CALCR: variants seen among roughly 807,000 people sequenced by gnomAD.
The protein encoded by CALCR is calcitonin receptor.
Under a neutral mutation model 59.5 loss-of-function variants are expected in CALCR, and 47 were observed. The observed-to-expected ratio is 0.79, with a 90% confidence interval of 0.63 to 1.01. The LOEUF is 1.01. Ranked by LOEUF, CALCR falls within the 50% of genes least tolerant of loss-of-function variation. CALCR has a pLI of 0.00. For synonymous variants in CALCR, 213 were observed against 211.3 expected, an observed-to-expected ratio of 1.01 and a Z score of -0.07; for missense variants, 566 against 597.1, an observed-to-expected ratio of 0.95 and a Z score of 0.54.
chr7:93,509,246 A>G (rs137930271), intron 2 of CALCR, among the ~76,000 whole-genome samples: 1 of 152,324 alleles, frequency 6.6e-6, no homozygotes, highest in Admixed American at 6.5e-5. Flanking sequence ...GGTTTTAGAC[A>G]GGAAATGATG....
intron 8 of CALCR, among the ~76,000 whole-genome samples, chr7:93,459,114 G>C (rs6976031): frequency 0.59 from 89,747 of 152,076 alleles, 28,179 homozygotes; most frequent in African/African-American, 0.82. Context: ...TATTTAAACA[G>C]TGGATTGATA....
At chr7:93,487,981 T>C (rs1396088511) in intron 2 of CALCR, among the ~76,000 whole-genome samples, 1 of 151,194 alleles carries the variant, frequency 6.6e-6, no homozygotes, top group Non-Finnish European at 1.5e-5. Context: ...TTGAAATGAA[T>C]GAAAAAATAT....
Position 93,523,726 on chromosome 7 carries a change from T to C in CALCR, c.-26-36719A>G, listed in dbSNP as rs147564358. On this transcript the variant is annotated intron_variant, in intron 2 of 13. Transcript: ENST00000426151. ...TTGGATTGCTTTTTTAAGTCCAGGA[T>C]TTTTTTCTATTTTTATAAGTATAAA... Among the ~76,000 whole-genome samples, 10 of 151,650 alleles carry C rather than the reference T, an allele frequency of 6.6e-5. No homozygotes were observed. In the East Asian group the frequency reaches 1.9e-3, roughly 29 times the overall value.
chr7:93,433,435 A>G (rs1336679939), intron 13 of CALCR, among the ~76,000 whole-genome samples: 2 of 152,230 alleles, frequency 1.3e-5, no homozygotes, highest in Non-Finnish European at 2.9e-5. Flanking sequence ...AGATAAGTTA[A>G]TTGGGAGTTG....
chr7:93,558,144 C>A (rs1233835992), intron 2 of CALCR, among the ~76,000 whole-genome samples: 1 of 137,116 alleles, frequency 7.3e-6, no homozygotes, highest in East Asian at 2.1e-4. Context: ...TTTTTTTTTA[C>A]TGTTTCTTAA....
At chr7:93,537,710 G>GTA (rs1584615297) in intron 2 of CALCR, among the ~76,000 whole-genome samples, 1 of 151,262 alleles carries the variant, frequency 6.6e-6, no homozygotes, top group South Asian at 2.1e-4. Flanking sequence ...TTATACATGT[G>GTA]TATACACACA....
chr7:93,470,260 C>T (rs1202978546), intron 6 of CALCR, among the ~76,000 whole-genome samples: 2 of 129,786 alleles, frequency 1.5e-5, no homozygotes, highest in African/African-American at 8.3e-5. Flanking sequence ...GAATCTTATA[C>T]ACACACACAC....
intron 8 of CALCR, among the ~76,000 whole-genome samples, chr7:93,444,751 CA>C (rs1364573987): frequency 2.6e-5 from 4 of 152,164 alleles, no homozygotes; most frequent in Middle Eastern, 3.4e-3. Flanking sequence ...CGGAATTTAG[CA>C]TTCAAAATCT....
rs753161420 is a variant in CALCR, at chr7:93,426,422, GT to G, written c.1358del (p.Asn453ThrfsTer13). The G allele has an allele frequency of 3.8e-4, 611 of 1,613,934 alleles. No homozygotes were observed. The highest frequency in any genetic ancestry group is 5.0e-4 in the Non-Finnish European group (592 of 1,179,854). ...TCTCAGCACTCTCCTCGCCTTGGTT[GT>G]TGGCTGGTTCATTCCTCAGCTCCTG... Reference protein sequence around the residue: ...CHQELRNEPANNQGEESAEII... With the variant: ...CHQELRNEPAXNQGEESAEII... On this transcript the variant is annotated frameshift_variant, in exon 14 of 14. Coordinates refer to ENST00000426151, the MANE Select transcript of CALCR (RefSeq NM_001742.4). LOFTEE classifies it high-confidence loss of function.
intron 2 of CALCR, among the ~76,000 whole-genome samples, chr7:93,549,313 T>TG (rs1789387190): frequency 6.6e-6 from 1 of 152,160 alleles, no homozygotes; most frequent in Non-Finnish European, 1.5e-5. Context: ...TAACATATTT[T>TG]TCAAATGACT....
At chr7:93,431,594 G>T (rs564809711) in intron 13 of CALCR, among the ~76,000 whole-genome samples, 2 of 152,298 alleles carry the variant, frequency 1.3e-5, no homozygotes, top group South Asian at 2.1e-4. Context: ...GTAGCCAGTT[G>T]CTCTTTTGGA....
chr7:93,550,640 C>CACA (rs546932316), intron 2 of CALCR, among the ~76,000 whole-genome samples: 4 of 146,858 alleles, frequency 2.7e-5, no homozygotes, highest in African/African-American at 1.0e-4. Context: ...CACACACACA[C>CACA]GAGAGACAGA....
At chr7:93,464,373 G>A (rs1457044078) in intron 7 of CALCR, among the ~76,000 whole-genome samples, 1 of 151,952 alleles carries the variant, frequency 6.6e-6, no homozygotes, top group Non-Finnish European at 1.5e-5. Context: ...GAAGTTACTG[G>A]TGCATGGGAA....
At chr7:93,541,236 C>T (rs984015614) in intron 2 of CALCR, among the ~76,000 whole-genome samples, 9 of 152,214 alleles carry the variant, frequency 5.9e-5, no homozygotes, top group African/African-American at 1.9e-4. Flanking sequence ...TGCAGTGGCA[C>T]GATTTCGGCT....
intron 13 of CALCR, among the ~76,000 whole-genome samples, chr7:93,432,223 C>T (rs1014962403): frequency 2.6e-5 from 4 of 152,080 alleles, no homozygotes; most frequent in African/African-American, 9.7e-5. Context: ...AATTAAATTG[C>T]ACATAACACA....
intron 8 of CALCR, among the ~76,000 whole-genome samples, chr7:93,450,980 T>C (rs180978940): frequency 7.9e-5 from 12 of 152,050 alleles, no homozygotes; most frequent in Non-Finnish European, 1.6e-4. Flanking sequence ...CCATCTACAT[T>C]TCAGGAGTAA....
chr7:93,466,677 T>G (rs759996957), intron 7 of CALCR, among the ~76,000 whole-genome samples: 27 of 151,830 alleles, frequency 1.8e-4, no homozygotes, highest in Non-Finnish European at 3.2e-4. Context: ...CAGATTTAAG[T>G]TGCTGTTTAG....
intron 5 of CALCR, among the ~76,000 whole-genome samples, chr7:93,473,878 G>A (rs1470592567): frequency 6.6e-6 from 1 of 151,572 alleles, no homozygotes; most frequent in African/African-American, 2.4e-5. Context: ...GTATGATAAA[G>A]CCTTGCTGCT....
At chr7:93,492,159 AC>A (rs1326758739) in intron 2 of CALCR, among the ~76,000 whole-genome samples, 1 of 151,560 alleles carries the variant, frequency 6.6e-6, no homozygotes, top group Non-Finnish European at 1.5e-5. Flanking sequence ...AAAACCAAAC[AC>A]CACATGTTCT....
Sources: gnomAD v4.1 joint callset for allele counts (sites outside exome capture counted in the v4.1 genomes callset) on GRCh38, gnomAD v4.1.1 for gene constraint, MANE v1.5 for transcripts, NCBI Gene and HGNC (gene_info 2026-07-23, HGNC 2026-07-21) for gene names.